Variants in MAP7 observed in about 807,000 individuals in gnomAD.
MAP7 encodes ensconsin.
MAP7 carries 52 observed loss-of-function variants against 94.8 expected under a neutral mutation model. That is an observed-to-expected ratio of 0.55 (90% confidence interval 0.44 to 0.69). The LOEUF is 0.69. MAP7 is among the 30% of genes least tolerant of loss of function. The pLI is 0.00. For missense variants in MAP7, 940 were observed against 964.6 expected, an observed-to-expected ratio of 0.97 and a Z score of 0.34; for synonymous variants, 350 against 357.0, an observed-to-expected ratio of 0.98 and a Z score of 0.22.
intron 1 of MAP7, among the ~76,000 whole-genome samples, chr6:136,445,972 G>A (rs1362932675): frequency 6.6e-6 from 1 of 152,174 alleles, no homozygotes; most frequent in Non-Finnish European, 1.5e-5. Context: ...AATGAATTCT[G>A]CAGCCGACAC....
intron 1 of MAP7, among the ~76,000 whole-genome samples, chr6:136,442,713 T>C (rs1798234069): frequency 6.6e-6 from 1 of 152,198 alleles, no homozygotes; most frequent in Non-Finnish European, 1.5e-5. Context: ...ACATTTTTCA[T>C]TGCTTGGCAA....
intron 16 of MAP7, among the ~76,000 whole-genome samples, chr6:136,356,478 T>C (rs1012632519): frequency 1.3e-5 from 2 of 152,142 alleles, no homozygotes; most frequent in African/African-American, 4.8e-5. Flanking sequence ...TGTAATATTC[T>C]TGGAACAGTC....
intron 1 of MAP7, among the ~76,000 whole-genome samples, chr6:136,470,372 T>C (rs1808557105): frequency 6.6e-6 from 1 of 152,048 alleles, no homozygotes; most frequent in Admixed American, 6.6e-5. Context: ...ATATTTAGGG[T>C]GTACAACATA....
chr6:136,531,937 C>A (rs1358437733), intron 1 of MAP7, among the ~76,000 whole-genome samples: 1 of 152,094 alleles, frequency 6.6e-6, no homozygotes, highest in South Asian at 2.1e-4. Context: ...TGGATAGACT[C>A]AGGTCCAAAA....
chr6:136,384,479 G>C (rs1778633711), intron 5 of MAP7, among the ~76,000 whole-genome samples: 1 of 151,446 alleles, frequency 6.6e-6, no homozygotes, highest in Non-Finnish European at 1.5e-5. Context: ...CTATAGTCAA[G>C]TAATTTTAAA....
At chr6:136,421,500 G>GGCTTT (rs1277906963) in intron 2 of MAP7, among the ~76,000 whole-genome samples, 2 of 152,194 alleles carry the variant, frequency 1.3e-5, no homozygotes, top group African/African-American at 4.8e-5. Context: ...ACCAAGGCTT[G>GGCTTT]GCTTTGAGAG....
At position 136,550,344 on chromosome 6, in the gene MAP7, G is replaced by C. The variant is rs1830058857; in HGVS notation, c.65C>G (p.Thr22Arg). Residue 22 changes from threonine to arginine, a missense_variant and splice_region_variant, in exon 1 of 18, where the codon ACA becomes AGA. By Grantham distance (71) the Thr-to-Arg change is moderately conservative. Coordinates refer to ENST00000354570, the MANE Select transcript of MAP7 (RefSeq NM_003980.6). This position sits in a 1 kb window ranked among gnomAD's most constrained non-coding sequence, Gnocchi z 5.1. Reference protein sequence around the residue: ...RGGDGAVRSETAPDSYKVQDK... With the variant: ...RGGDGAVRSERAPDSYKVQDK... ...CACTATCCCCGCTGTGCGGTCACCT[G>C]TTTCGCTTCGCACTGCGCCGTCGCC... 1.3e-6 allele frequency: 2 copies of C among 1,522,672 alleles called. No individual in the cohort carries two copies. The highest frequency in any genetic ancestry group is 1.7e-6 in the Non-Finnish European group (2 of 1,143,522). 94.3% of individuals were successfully genotyped at this position (1,522,672 alleles called of 1,614,324 possible).
intron 3 of MAP7, among the ~76,000 whole-genome samples, chr6:136,399,510 GT>G (rs1023049609): frequency 2.3e-4 from 33 of 146,100 alleles, no homozygotes; most frequent in East Asian, 7.9e-4. Flanking sequence ...TGTCTGGCTC[GT>G]TTTTTTTTTT....
At chr6:136,524,622 C>T (rs954445733) in intron 1 of MAP7, among the ~76,000 whole-genome samples, 9 of 152,270 alleles carry the variant, frequency 5.9e-5, no homozygotes, top group African/African-American at 1.9e-4. Flanking sequence ...TAGTAAGATT[C>T]TACTTATTAG....
At chr6:136,477,472 T>C (rs1811293237) in intron 1 of MAP7, among the ~76,000 whole-genome samples, 2 of 152,164 alleles carry the variant, frequency 1.3e-5, no homozygotes, top group Non-Finnish European at 2.9e-5. Flanking sequence ...ATAAAGTCTA[T>C]AGATTAGACA....
In MAP7 at chr6:136,415,730, T is replaced by TA. The variant is rs749357445; in HGVS notation, c.167-4034dup. ...GCGTCCTGTTTGGTAAGATAATATG[T>TA]AAAAAACCAAACTTTTATACAATTA... On this transcript the variant is annotated intron_variant, in intron 2 of 17. Coordinates refer to ENST00000354570, the MANE Select transcript of MAP7 (RefSeq NM_003980.6). Among the ~76,000 whole-genome samples, 4 of 152,204 alleles carry TA rather than the reference T, an allele frequency of 2.6e-5. No homozygotes were observed. In the East Asian group the frequency reaches 5.8e-4, roughly 22 times the overall value.
intron 1 of MAP7, among the ~76,000 whole-genome samples, chr6:136,484,361 C>T (rs908201202): frequency 2.0e-5 from 3 of 152,134 alleles, no homozygotes; most frequent in Non-Finnish European, 4.4e-5. Context: ...TAGTTGGATC[C>T]TGGCATAACT....
intron 16 of MAP7, among the ~76,000 whole-genome samples, chr6:136,350,702 G>A (rs1788931648): frequency 6.6e-6 from 1 of 152,050 alleles, no homozygotes; most frequent in African/African-American, 2.4e-5. Flanking sequence ...AAATATATAT[G>A]TTTTAAATTA....
rs368969715 is a variant in MAP7 at position 136,422,655 on chromosome 6, AATTTT to A, written c.68-861_68-857del. ...TGTGCTCATATAAAATTGATAGGTT[AATTTT>A]ATTTTATGTTATTTTATTTTCCATT... On this transcript the variant is annotated intron_variant, in intron 1 of 17. Transcript: ENST00000354570. 4.5e-3 allele frequency among the ~76,000 whole-genome samples: 688 copies of A among 152,330 alleles called. 6 individuals carry two copies. Among genetic ancestry groups the A allele is most frequent in the African/African-American group, 0.016 (645 of 41,562 alleles).
rs540328593 is a variant in MAP7, at chr6:136,535,708, T to C, written c.67+14634A>G. The stretch of plus-strand genomic sequence containing the variant: ...ATTGAGTGCCAAGCTTAGAAGCTTT[T>C]TTTTTCTTTTTTTTTTAGTATTTGT... On this transcript the variant is annotated intron_variant, in intron 1 of 17. Coordinates refer to ENST00000354570, the MANE Select transcript of MAP7 (RefSeq NM_003980.6). Among the ~76,000 whole-genome samples, 6 of 148,852 alleles carry C rather than the reference T, an allele frequency of 4.0e-5. No individual in the cohort carries two copies. In the East Asian group the frequency reaches 1.2e-3, roughly 30 times the overall value.
chr6:136,491,544 A>G (rs376025904), intron 1 of MAP7, among the ~76,000 whole-genome samples: 63 of 152,338 alleles, frequency 4.1e-4, no homozygotes, highest in African/African-American at 1.4e-3. Context: ...GCAGAGATGA[A>G]GAACCACCAC....
chr6:136,483,527 T>A (rs1813612667), intron 1 of MAP7, among the ~76,000 whole-genome samples: 1 of 152,104 alleles, frequency 6.6e-6, no homozygotes, highest in South Asian at 2.1e-4. Context: ...ACAAATTAAA[T>A]TAAATTTAAA....
chr6:136,372,381 G>A (rs181484563), intron 8 of MAP7, 120 bp downstream of exon 8: 1 of 1,142,666 alleles, frequency 8.8e-7, no homozygotes, highest in East Asian at 2.5e-5. Flanking sequence ...GGAAAGATGG[G>A]ATGGTGGATG....
intron 1 of MAP7, among the ~76,000 whole-genome samples, chr6:136,530,152 C>T (rs1049000922): frequency 2.0e-5 from 3 of 152,156 alleles, no homozygotes; most frequent in African/African-American, 7.2e-5. Flanking sequence ...ATTTCCCTTT[C>T]TAAAAGCCCA....
Sources: gnomAD v4.1 joint callset for allele counts (sites outside exome capture counted in the v4.1 genomes callset) on GRCh38, gnomAD v4.1.1 for gene constraint, Gnocchi (gnomAD v3.1) non-coding constraint, MANE v1.5 for transcripts, NCBI Gene and HGNC (gene_info 2026-07-23, HGNC 2026-07-21) for gene names.